The following ZFAND3 variants were observed in gnomAD, a reference collection of about 807,000 sequenced individuals.
ZFAND3 encodes zinc finger AN1-type containing 3.
Under a neutral mutation model 29.6 loss-of-function variants are expected in ZFAND3, and 10 were observed. That is an observed-to-expected ratio of 0.34 (90% CI 0.21 to 0.57). The LOEUF (loss-of-function observed/expected upper bound fraction) is 0.57. Among genes scored for constraint, ZFAND3 ranks in the 20% least tolerant of loss-of-function variants. The pLI is 0.86. For missense variants in ZFAND3, 230 were observed against 304.5 expected, an observed-to-expected ratio of 0.76 and a Z score of 1.82; for synonymous variants, 128 against 112.6, an observed-to-expected ratio of 1.14 and a Z score of -0.87.
At chr6:38,058,190 CTGAG>C (rs1161099506) in intron 2 of ZFAND3, among the ~76,000 whole-genome samples, 6 of 152,070 alleles carry the variant, frequency 3.9e-5, no homozygotes, top group African/African-American at 7.2e-5. Context: ...CTTATTGTGC[CTGAG>C]TGAGTAAGTT....
intron 2 of ZFAND3, among the ~76,000 whole-genome samples, chr6:38,024,385 T>C (rs1763406198): frequency 6.7e-6 from 1 of 148,426 alleles, no homozygotes; most frequent in South Asian, 2.1e-4. Context: ...GGCAGGAGAA[T>C]GGCATGAACC....
Position 38,066,589 on chromosome 6 carries a change from T to A in ZFAND3, c.295+4814T>A, listed in dbSNP as rs767332944. Among the ~76,000 whole-genome samples, 41 of 152,370 alleles carry A rather than the reference T, an allele frequency of 2.7e-4. 1 individual carries two copies. The highest frequency in any genetic ancestry group is 1.7e-3 in the Admixed American group (26 of 15,306). On this transcript the variant is annotated intron_variant, in intron 3 of 5. Transcript: ENST00000287218. Reference sequence around the variant, plus strand: ...TGTTATTGCATAGAGCTAGAAGTGCTACATTTTGTTTGGGGCTTGTGGAAG... The same window carrying A: ...TGTTATTGCATAGAGCTAGAAGTGCAACATTTTGTTTGGGGCTTGTGGAAG...
chr6:38,044,792 C>G (rs1012228340), intron 2 of ZFAND3, among the ~76,000 whole-genome samples: 1 of 152,008 alleles, frequency 6.6e-6, no homozygotes, highest in African/African-American at 2.4e-5. Flanking sequence ...GATATTTTTG[C>G]GAAGATGCAA....
At chr6:37,886,938 A>T (rs1210054335) in intron 1 of ZFAND3, among the ~76,000 whole-genome samples, 4 of 152,232 alleles carry the variant, frequency 2.6e-5, no homozygotes, top group African/African-American at 4.8e-5. Flanking sequence ...TGGGAGGCAG[A>T]GGCTGCAGTG....
intron 2 of ZFAND3, among the ~76,000 whole-genome samples, chr6:37,939,702 G>A (rs879264407): frequency 6.6e-6 from 1 of 152,092 alleles, no homozygotes; most frequent in Non-Finnish European, 1.5e-5. Context: ...GATACAGTTG[G>A]CCTCTTTTCA....
intron 3 of ZFAND3, among the ~76,000 whole-genome samples, chr6:38,075,994 C>T (rs985491802): frequency 3.9e-5 from 6 of 152,036 alleles, no homozygotes; most frequent in South Asian, 4.2e-4. Flanking sequence ...CCTTGTGATC[C>T]GCCTCCCTCA....
chr6:37,886,924 AC>A (rs1280438747), intron 1 of ZFAND3, among the ~76,000 whole-genome samples: 1 of 152,188 alleles, frequency 6.6e-6, no homozygotes, highest in Non-Finnish European at 1.5e-5. Flanking sequence ...GAATTGCTTG[AC>A]CTTGGGAGGC....
rs7452606 is a variant in ZFAND3 at position 38,103,384 on chromosome 6, T to C, written c.362-13188T>C. ...TATATATATACACACAATATATATA[T>C]ACACACACACATATATATACACACA... On this transcript the variant is annotated intron_variant, in intron 4 of 5. Coordinates refer to ENST00000287218, the MANE Select transcript of ZFAND3 (RefSeq NM_021943.3). Among the ~76,000 whole-genome samples the C allele has an allele frequency of 9.5e-5, 14 of 147,230 alleles. 2 individuals carry two copies. The highest frequency in any genetic ancestry group is 1.8e-4 in the African/African-American group (7 of 39,106).
intron 2 of ZFAND3, among the ~76,000 whole-genome samples, chr6:37,965,281 G>T (rs1358172384): frequency 6.6e-6 from 1 of 152,030 alleles, no homozygotes; most frequent in South Asian, 2.1e-4. Flanking sequence ...CCAGTTACTG[G>T]TCTATTTTTT....
intron 1 of ZFAND3, among the ~76,000 whole-genome samples, chr6:37,844,235 ATTCT>A (rs1463260561): frequency 6.9e-6 from 1 of 145,550 alleles, no homozygotes; most frequent in Non-Finnish European, 1.5e-5. Context: ...AGATTGATTG[ATTCT>A]TTGTCTGTCT....
chr6:38,069,386 C>G (rs1764408414), intron 3 of ZFAND3, among the ~76,000 whole-genome samples: 1 of 152,192 alleles, frequency 6.6e-6, no homozygotes, highest in Non-Finnish European at 1.5e-5. Context: ...CTCAAAGCAT[C>G]AGGCCATTTA....
intron 2 of ZFAND3, among the ~76,000 whole-genome samples, chr6:38,014,462 G>A (rs192718621): frequency 0.02 from 3,065 of 152,136 alleles, 45 homozygotes; most frequent in Non-Finnish European, 0.032. Flanking sequence ...GAGTAGCTGG[G>A]ATTACAGGCA....
chr6:38,054,979 G>A (rs1256767735), intron 2 of ZFAND3, among the ~76,000 whole-genome samples: 1 of 152,150 alleles, frequency 6.6e-6, no homozygotes, highest in Non-Finnish European at 1.5e-5. Flanking sequence ...GGGGGACAAT[G>A]CAGCTTTAGA....
chr6:37,847,340 C>T (rs1764199977), intron 1 of ZFAND3, among the ~76,000 whole-genome samples: 1 of 152,044 alleles, frequency 6.6e-6, no homozygotes, highest in Non-Finnish European at 1.5e-5. Flanking sequence ...CTATGGGAGG[C>T]TGAGGGGGGC....
chr6:37,880,736 C>T (rs184147676), intron 1 of ZFAND3, among the ~76,000 whole-genome samples: 119 of 151,056 alleles, frequency 7.9e-4, no homozygotes, highest in African/African-American at 2.7e-3. Context: ...ATTGTGCTAT[C>T]GTGTATATTC....
chr6:37,967,221 T>G (rs1485123741), intron 2 of ZFAND3, among the ~76,000 whole-genome samples: 2 of 152,230 alleles, frequency 1.3e-5, no homozygotes, highest in Non-Finnish European at 2.9e-5. Context: ...TTGTATCTAC[T>G]TATACTCATG....
At chr6:38,147,400 CTG>C (rs773554757) in intron 5 of ZFAND3, among the ~76,000 whole-genome samples, 2 of 152,184 alleles carry the variant, frequency 1.3e-5, no homozygotes, top group African/African-American at 4.8e-5. Flanking sequence ...TTGATGGACA[CTG>C]AGGTTGATTT....
At chr6:37,921,882 C>CAAAA (rs778118350) in intron 1 of ZFAND3, among the ~76,000 whole-genome samples, 1 of 87,776 alleles carries the variant, frequency 1.1e-5, no homozygotes, top group Non-Finnish European at 2.3e-5. Context: ...CCCATCTCTG[C>CAAAA]AAAAAAAAAA....
chr6:38,118,325 C>T (rs1265210925), intron 5 of ZFAND3, among the ~76,000 whole-genome samples: 1 of 152,180 alleles, frequency 6.6e-6, no homozygotes, highest in East Asian at 1.9e-4. Flanking sequence ...TCTGCAGAGG[C>T]TGTCTCATCT....
Sources: gnomAD v4.1 joint callset for allele counts (sites outside exome capture counted in the v4.1 genomes callset) on GRCh38, gnomAD v4.1.1 for gene constraint, MANE v1.5 for transcripts, NCBI Gene and HGNC (gene_info 2026-07-23, HGNC 2026-07-21) for gene names.